Variants in GON4L observed in about 807,000 individuals in gnomAD.
GON4L encodes the protein GON-4-like protein.
GON4L carries 87 observed loss-of-function variants against 211.8 expected under a neutral mutation model. The ratio of observed to expected loss-of-function variants is 0.41; its 90% CI spans 0.35 to 0.49. GON4L has a LOEUF of 0.49. Ranked by LOEUF, GON4L falls within the 20% of genes least tolerant of loss-of-function variation. The pLI, the probability that GON4L is intolerant of heterozygous loss-of-function variation, is 0.15. For missense variants in GON4L, 2,155 were observed against 2,659.5 expected, an observed-to-expected ratio of 0.81 and a Z score of 4.17; for synonymous variants, 875 against 962.6, an observed-to-expected ratio of 0.91 and a Z score of 1.68.
rs778659875 is a variant in GON4L, at chr1:155,757,230, G to T, written c.5347C>A (p.Arg1783=). ...TTGATCTCTTCAAAGTCACCCATCC[G>T]GCTAGCTGCTGGGCGCAAGTGGTCA... is the stretch of plus-strand genomic sequence containing the variant. ...FFDHLRPAAS[R]MGDFEEINWT... is the part of the protein sequence containing the mutation. Residue 1783 remains arginine, a synonymous_variant, in exon 26 of 32, where the codon CGG becomes AGG. Transcript: ENST00000368331. The T allele has an allele frequency of 1.9e-6, 3 of 1,613,720 alleles. No individual in the cohort carries two copies. The highest frequency in any genetic ancestry group is 1.7e-5 in the Admixed American group (1 of 59,976).
chr1:155,820,575 A>T (rs1489779736), intron 6 of GON4L, 31 bp downstream of exon 6: 3 of 1,530,668 alleles, frequency 2.0e-6, no homozygotes, highest in Non-Finnish European at 2.7e-6. Context: ...AAGCTAAAAA[A>T]AAACCAACAA....
chr1:155,790,357 C>G lies in GON4L; in HGVS notation c.1747+4693G>C, dbSNP rs186026910. Among the ~76,000 whole-genome samples, 10 of 151,718 alleles carry G rather than the reference C, an allele frequency of 6.6e-5. No individual in the cohort carries two copies. The East Asian group carries it at 2.0e-3, about 30-fold the overall frequency. ...TCGTGATCTGCCCACCCTGGCCTCCCAAAGTGCTGGGATTACAGGCGTGAG... is the reference window on the plus strand; with the variant it reads ...TCGTGATCTGCCCACCCTGGCCTCCGAAAGTGCTGGGATTACAGGCGTGAG... On this transcript the variant is annotated intron_variant, in intron 12 of 31. Transcript: ENST00000368331.
At chr1:155,772,971 A>G (rs769256038) in intron 18 of GON4L, 95 bp downstream of exon 18, 82 of 1,494,346 alleles carry the variant, frequency 5.5e-5, no homozygotes, top group Admixed American at 8.4e-5. Flanking sequence ...TCCGTGTCTT[A>G]TTATACAAGT....
At chr1:155,767,191 T>C (rs531231897) in intron 20 of GON4L, 8 of 1,048,584 alleles carry the variant, frequency 7.6e-6, no homozygotes, top group African/African-American at 1.6e-5. Flanking sequence ...TTATACACTT[T>C]AGAAACTTCT....
intron 3 of GON4L, 34 bp downstream of exon 3, chr1:155,826,803 G>T: frequency 7.4e-7 from 1 of 1,351,010 alleles, no homozygotes; most frequent in Non-Finnish European, 1.1e-6. Flanking sequence ...CAATAAAGAG[G>T]TTTCATTTAA....
downstream of GON4L, chr1:155,748,856 T>C: frequency 6.9e-7 from 1 of 1,456,814 alleles, no homozygotes; most frequent in Non-Finnish European, 9.4e-7. Flanking sequence ...CCCTAATTTC[T>C]CGGGCATTCT....
intron 3 of GON4L, 98 bp from the exon 4 acceptor site, chr1:155,822,574 T>C: frequency 1.2e-6 from 1 of 867,844 alleles, no homozygotes; most frequent in South Asian, 1.3e-5. Flanking sequence ...CTCAAAAGCA[T>C]TATGCTGTGA....
chr1:155,786,928 G>GTT (rs879325376), intron 12 of GON4L, among the ~76,000 whole-genome samples: 1 of 143,640 alleles, frequency 7.0e-6, no homozygotes, highest in Non-Finnish European at 1.5e-5. Flanking sequence ...GAGTTTTTTC[G>GTT]TTTTTTTTTT....
chr1:155,798,191 C>A (rs1205800904), intron 11 of GON4L, among the ~76,000 whole-genome samples: 1 of 149,988 alleles, frequency 6.7e-6, no homozygotes, highest in Non-Finnish European at 1.5e-5. Flanking sequence ...GCTGATTAAA[C>A]CCTAATCTAA....
At chr1:155,829,903 A>G (rs1195878745) in intron 2 of GON4L, among the ~76,000 whole-genome samples, 1 of 152,106 alleles carries the variant, frequency 6.6e-6, no homozygotes, top group Non-Finnish European at 1.5e-5. Context: ...CTAGAGTATG[A>G]AAAATGATTT....
At position 155,793,765 on chromosome 1, in the gene GON4L, C is replaced by T. The variant is rs115676478; in HGVS notation, c.1747+1285G>A. ...CTAGGACTACAGGTACGTGCCAATA[C>T]ATTAGGCTAATTTCTTAAATTTTTA... On this transcript the variant is annotated intron_variant, in intron 12 of 31. Coordinates refer to ENST00000368331, the MANE Select transcript of GON4L (RefSeq NM_001282860.2). Among the ~76,000 whole-genome samples the T allele has an allele frequency of 3.1e-3, 472 of 152,174 alleles. 1 individual carries two copies. Among genetic ancestry groups the T allele is most frequent in the African/African-American group, 6.4e-3 (267 of 41,528 alleles).
intron 2 of GON4L, among the ~76,000 whole-genome samples, chr1:155,843,349 C>A (rs939359768): frequency 1.3e-5 from 2 of 152,114 alleles, no homozygotes; most frequent in Admixed American, 6.6e-5. Context: ...TTCTGGTGCA[C>A]CCTGCAAACC....
chr1:155,773,152 A>C lies in GON4L; in HGVS notation c.2409T>G (p.Val803=), dbSNP rs750428587. The change falls in exon 18 of 32, where the codon GTT becomes GTG. Residue 803 remains valine (V), a synonymous_variant. Coordinates refer to ENST00000368331, the MANE Select transcript of GON4L (RefSeq NM_001282860.2). ...QVAWILATSK[V]FMYPELLPVC... is the part of the protein sequence containing the mutation. ...CTGGAAGTAACTCTGGATACATGAAAACCTTGCTTGTGGCCAGAATCCAAG... is the reference window on the plus strand; with the variant it reads ...CTGGAAGTAACTCTGGATACATGAACACCTTGCTTGTGGCCAGAATCCAAG... 11 of 1,613,896 alleles carry C rather than the reference A, an allele frequency of 6.8e-6. No individual in the cohort carries two copies. The highest frequency in any genetic ancestry group is 9.3e-6 in the Non-Finnish European group (11 of 1,179,978).
At chr1:155,816,130 A>G (rs754469747) in intron 7 of GON4L, 82 bp downstream of exon 7, 1 of 748,592 alleles carries the variant, frequency 1.3e-6, no homozygotes, top group Non-Finnish European at 2.4e-6. Context: ...TTGATCAAGA[A>G]AAGTTAAAGA....
At chr1:155,821,009 G>A (rs1373353295) in intron 5 of GON4L, among the ~76,000 whole-genome samples, 1 of 152,134 alleles carries the variant, frequency 6.6e-6, no homozygotes, top group South Asian at 2.1e-4. Context: ...GCTCACGCCT[G>A]TAATCCCAGC....
intron 27 of GON4L, 73 bp from the exon 28 acceptor site, chr1:155,754,561 G>A (rs1020232125): frequency 4.1e-5 from 36 of 886,140 alleles, no homozygotes; most frequent in African/African-American, 3.6e-4. Context: ...ACAGAGTCTC[G>A]CTCTGTGGCC....
Position 155,757,088 on chromosome 1 carries a change from G to A in GON4L, c.5398-11C>T. 6.2e-7 allele frequency: 1 copy of A among 1,613,940 alleles called. No individual in the cohort carries two copies. The highest frequency in any genetic ancestry group is 8.5e-7 in the Non-Finnish European group (1 of 1,179,874). On this transcript the variant is annotated splice_polypyrimidine_tract_variant and intron_variant, in intron 26 of 31. Coordinates refer to ENST00000368331, the MANE Select transcript of GON4L (RefSeq NM_001282860.2). Reference sequence around the variant, plus strand: ...TTCAAAGCCATCAAACTGAGAAGGAGTTGGTGCTGCTGAGCACAGACACCA... The same window carrying A: ...TTCAAAGCCATCAAACTGAGAAGGAATTGGTGCTGCTGAGCACAGACACCA...
chr1:155,777,660 G>C lies in GON4L; in HGVS notation c.2053C>G (p.Pro685Ala), dbSNP rs377628354. Residue 685 changes from proline to alanine, a missense_variant, in exon 15 of 32, where the codon CCA becomes GCA. Physicochemically the swap from Pro to Ala is conservative, Grantham distance 27 (BLOSUM62 -1). Coordinates refer to ENST00000368331, the MANE Select transcript of GON4L (RefSeq NM_001282860.2). ...TGCTGGAGTCTCTTCCTCTGTGCTG[G>C]GTCCAGAATCAGAGTCTGATGAACT... The part of the protein sequence containing the change: ...EKVHQTLILD[P>A]AQRKRLQQQM... The C allele has an allele frequency of 6.2e-7, 1 of 1,613,804 alleles. No individual in the cohort carries two copies. Among genetic ancestry groups the C allele is most frequent in the African/African-American group, 1.3e-5 (1 of 75,010 alleles).
intron 10 of GON4L, among the ~76,000 whole-genome samples, chr1:155,805,992 T>G (rs1174494417): frequency 2.7e-5 from 4 of 149,766 alleles, no homozygotes; most frequent in Admixed American, 6.7e-5. Context: ...CCTGGTGTTT[T>G]TTTTTTTTTT....
Sources: allele counts gnomAD v4.1 joint callset (sites outside exome capture counted in the v4.1 genomes callset), GRCh38; gene constraint gnomAD v4.1.1; transcripts MANE v1.5; gene names NCBI Gene and HGNC (gene_info 2026-07-23, HGNC 2026-07-21).